ST18: variants seen among roughly 807,000 people sequenced by gnomAD.
The protein encoded by ST18 is ST18 C2H2C-type zinc finger transcription factor.
A neutral mutation model predicts 110.0 loss-of-function variants in ST18; 50 were observed. The observed-to-expected ratio is 0.45, with a 90% CI of 0.36 to 0.58. ST18 has a LOEUF of 0.58. Ranked by LOEUF, ST18 falls within the 20% of genes least tolerant of loss-of-function variation. The probability of loss-of-function intolerance (pLI) is 0.00; values close to 1 mark genes in which losing one functional copy is unlikely to be tolerated. For synonymous variants in ST18, 461 were observed against 452.4 expected (o/e 1.02, Z -0.24); for missense variants, 1,306 against 1,280.1 (o/e 1.02, Z -0.31).
rs181493376 is a variant in ST18 at position 52,320,448 on chromosome 8, T to A, written c.-465+88880A>T. ...ACTTAAGCTGCATATTGGGAGAAGA[T>A]CCATGTAAAACATGTAATTCACAAG... On this transcript the variant is annotated intron_variant, in intron 2 of 25. Coordinates refer to ENST00000689386, the MANE Select transcript of ST18 (RefSeq NM_001352837.2). Among the ~76,000 whole-genome samples, 191 of 152,284 alleles carry A rather than the reference T, an allele frequency of 1.3e-3. 1 individual carries two copies. Among genetic ancestry groups the A allele is most frequent in the Non-Finnish European group, 2.2e-4 (15 of 68,012 alleles).
chr8:52,239,136 A>G (rs1001619831), intron 2 of ST18, among the ~76,000 whole-genome samples: 2 of 152,218 alleles, frequency 1.3e-5, no homozygotes, highest in African/African-American at 4.8e-5. Flanking sequence ...GCCCAGAATA[A>G]GCAAATCTAT....
intron 2 of ST18, among the ~76,000 whole-genome samples, chr8:52,257,790 G>A (rs1192154798): frequency 6.6e-6 from 1 of 152,000 alleles, no homozygotes; most frequent in Non-Finnish European, 1.5e-5. Flanking sequence ...TTATTTTGAT[G>A]AAGTCCAATT....
chr8:52,282,575 C>CA (rs2095402104), intron 2 of ST18, among the ~76,000 whole-genome samples: 1 of 152,092 alleles, frequency 6.6e-6, no homozygotes, highest in Admixed American at 6.6e-5. Context: ...TATGTAGGGA[C>CA]CTCCCTGGCA....
In ST18 at chr8:52,382,572, A is replaced by T. The variant is rs143829102; in HGVS notation, c.-465+26756T>A. 1.3e-5 allele frequency among the ~76,000 whole-genome samples: 2 copies of T among 152,238 alleles called. 1 individual carries two copies. Among genetic ancestry groups the T allele is most frequent in the East Asian group, 3.9e-4 (2 of 5,158 alleles). On this transcript the variant is annotated intron_variant, in intron 2 of 25. Coordinates refer to ENST00000689386, the MANE Select transcript of ST18 (RefSeq NM_001352837.2). ...ATAGCAGAACAGTTTGTTTGCTTGG[A>T]ATCGCTGAGACACAAAACATCGTGT...
intron 24 of ST18, among the ~76,000 whole-genome samples, chr8:52,117,341 G>T (rs1275523639): frequency 1.3e-5 from 2 of 152,174 alleles, no homozygotes; most frequent in African/African-American, 4.8e-5. Context: ...CCTGGGGGCT[G>T]GTGGTCCTAT....
intron 2 of ST18, among the ~76,000 whole-genome samples, chr8:52,388,820 T>TG (rs755222504): frequency 6.1e-5 from 2 of 32,954 alleles, no homozygotes; most frequent in Admixed American, 4.1e-4. Context: ...TGTTGTGGGG[T>TG]GGGGGGAGGG....
intron 2 of ST18, among the ~76,000 whole-genome samples, chr8:52,237,280 C>T (rs540023059): frequency 1.3e-5 from 2 of 152,306 alleles, no homozygotes; most frequent in East Asian, 3.9e-4. Flanking sequence ...GAGGATTTAG[C>T]AGCTCATTTT....
chr8:52,143,753 C>T (rs1409890511), intron 16 of ST18, among the ~76,000 whole-genome samples: 2 of 152,050 alleles, frequency 1.3e-5, no homozygotes, highest in African/African-American at 4.8e-5. Flanking sequence ...AGCAGTAAAA[C>T]CAAAGAAATA....
At chr8:52,213,350 C>A (rs1182994444) in intron 7 of ST18, among the ~76,000 whole-genome samples, 1 of 151,812 alleles carries the variant, frequency 6.6e-6, no homozygotes, top group Non-Finnish European at 1.5e-5. Context: ...CGAAAGCATT[C>A]CATTTGATCA....
At chr8:52,180,461 C>T in intron 8 of ST18, 149 bp from the exon 9 acceptor site, 2 of 760,156 alleles carry the variant, frequency 2.6e-6, no homozygotes, top group Non-Finnish European at 4.2e-6. Context: ...AACATCCCAT[C>T]TGTGGACTCC....
At chr8:52,254,727 G>T (rs1338451130) in intron 2 of ST18, among the ~76,000 whole-genome samples, 2 of 152,122 alleles carry the variant, frequency 1.3e-5, no homozygotes, top group African/African-American at 4.8e-5. Flanking sequence ...AATTTTGCAG[G>T]CTCGAGTGTT....
Position 52,369,880 on chromosome 8 carries a change from C to T in ST18, c.-465+39448G>A, listed in dbSNP as rs1029030915. Among the ~76,000 whole-genome samples the T allele has an allele frequency of 2.0e-5, 3 of 152,180 alleles. No homozygotes were observed. In the East Asian group the frequency reaches 5.8e-4, roughly 29 times the overall value. ...ATCCTTATGATGTTCATGAAAAATG[C>T]TCCATGGTTTATTTAGACAATTGCC... is the stretch of plus-strand genomic sequence containing the variant. On this transcript the variant is annotated intron_variant, in intron 2 of 25. Coordinates refer to ENST00000689386, the MANE Select transcript of ST18 (RefSeq NM_001352837.2).
intron 3 of ST18, among the ~76,000 whole-genome samples, chr8:52,223,670 G>C (rs1034570606): frequency 1.3e-5 from 2 of 151,796 alleles, no homozygotes; most frequent in Admixed American, 1.3e-4. Context: ...TTTACTTATG[G>C]TTCCAAAGGA....
intron 25 of ST18, 75 bp from the exon 26 acceptor site, chr8:52,113,413 A>C: frequency 6.4e-7 from 1 of 1,563,930 alleles, no homozygotes; most frequent in Non-Finnish European, 8.7e-7. Flanking sequence ...AGTGACATCG[A>C]AGATCAGTGA....
chr8:52,396,743 C>G (rs1188866210), intron 2 of ST18, among the ~76,000 whole-genome samples: 3 of 152,116 alleles, frequency 2.0e-5, no homozygotes, highest in African/African-American at 7.2e-5. Flanking sequence ...GGAACCACCC[C>G]CATGATCTAA....
chr8:52,192,348 C>T (rs759449321), intron 8 of ST18, among the ~76,000 whole-genome samples: 14 of 152,328 alleles, frequency 9.2e-5, no homozygotes, highest in Middle Eastern at 3.4e-3. Flanking sequence ...GCCTTCAGAG[C>T]CTCAGCCAGG....
chr8:52,386,434 T>C (rs1256066138), intron 2 of ST18, among the ~76,000 whole-genome samples: 1 of 151,376 alleles, frequency 6.6e-6, no homozygotes, highest in Non-Finnish European at 1.5e-5. Context: ...TTTTTGCCAC[T>C]CTGATAATTA....
intron 2 of ST18, among the ~76,000 whole-genome samples, chr8:52,275,086 C>T (rs559521568): frequency 6.6e-5 from 10 of 152,140 alleles, no homozygotes; most frequent in Non-Finnish European, 1.0e-4. Context: ...GGTTTCTGTA[C>T]GATACACCAA....
intron 2 of ST18, among the ~76,000 whole-genome samples, chr8:52,388,923 AC>A (rs1838107035): frequency 6.6e-6 from 1 of 150,598 alleles, no homozygotes; most frequent in African/African-American, 2.4e-5. Context: ...TATGTAACTA[AC>A]CTGCACATTG....
Sources: gnomAD v4.1 joint callset for allele counts (sites outside exome capture counted in the v4.1 genomes callset) on GRCh38, gnomAD v4.1.1 for gene constraint, MANE v1.5 for transcripts, NCBI Gene and HGNC (gene_info 2026-07-23, HGNC 2026-07-21) for gene names.